RGS17: variants seen among roughly 807,000 people sequenced by gnomAD.
RGS17 encodes the protein regulator of G protein signaling 17.
In RGS17, 12 loss-of-function variants were observed where a neutral mutation model predicts 25.5. The ratio of observed to expected loss-of-function variants is 0.47; its 90% CI spans 0.30 to 0.76. The LOEUF (loss-of-function observed/expected upper bound fraction) is 0.76. RGS17 is among the 30% of genes least tolerant of loss of function. The pLI is 0.07. For synonymous variants in RGS17, 71 were observed against 76.9 expected (o/e 0.92, Z 0.40); for missense variants, 196 against 242.2 (o/e 0.81, Z 1.27).
chr6:153,037,229 T>C (rs927917856), intron 2 of RGS17, among the ~76,000 whole-genome samples: 1 of 148,974 alleles, frequency 6.7e-6, no homozygotes, highest in Non-Finnish European at 1.5e-5. Context: ...CACAGGAGCA[T>C]GAAGAAAAAT....
intron 4 of RGS17, among the ~76,000 whole-genome samples, chr6:153,021,068 C>G (rs1779243379): frequency 6.6e-6 from 1 of 152,190 alleles, no homozygotes; most frequent in South Asian, 2.1e-4. Context: ...GCTTCATAGC[C>G]TTACAGTTGC....
At chr6:153,018,200 C>T (rs1764698450) in intron 4 of RGS17, among the ~76,000 whole-genome samples, 1 of 151,858 alleles carries the variant, frequency 6.6e-6, no homozygotes, top group Non-Finnish European at 1.5e-5. Flanking sequence ...GTTGCTATTT[C>T]TCATCATGTG....
intron 1 of RGS17, 54 bp from the exon 2 acceptor site, chr6:153,044,097 G>T (rs888712313): frequency 1.2e-6 from 1 of 838,738 alleles, no homozygotes; most frequent in Non-Finnish European, 2.0e-6. Flanking sequence ...AGGATAAGTT[G>T]CGTATGCTGA....
At position 153,091,475 on chromosome 6, in the gene RGS17, AT is replaced by A. The variant is rs35909335; in HGVS notation, c.-26+39648del. ...GACACTTAACATCCATACTTTACAG[AT>A]TTTTTTTTTTTTTTGAGACGGAGTC... On this transcript the variant is annotated intron_variant, in intron 1 of 4. Transcript: ENST00000206262. Among the ~76,000 whole-genome samples the A allele has an allele frequency of 5.4e-3, 780 of 145,382 alleles. 2 individuals are homozygous for A. The highest frequency in any genetic ancestry group is 0.011 in the African/African-American group (440 of 39,908).
chr6:153,044,028 T>C lies in RGS17; in HGVS notation c.-10A>G. On this transcript the variant is annotated 5_prime_UTR_variant, in exon 2 of 5. Coordinates refer to ENST00000206262, the MANE Select transcript of RGS17 (RefSeq NM_012419.5). ...GCTGCCTTTTTCGCATTTCAGCTACTTCAGGACCCAGTTGGCTGAAAGAGA... is the reference window on the plus strand; with the variant it reads ...GCTGCCTTTTTCGCATTTCAGCTACCTCAGGACCCAGTTGGCTGAAAGAGA... 1 of 1,568,154 alleles carries C rather than the reference T, an allele frequency of 6.4e-7. No individual in the cohort carries two copies. The highest frequency in any genetic ancestry group is 1.1e-5 in the South Asian group (1 of 89,530).
At chr6:153,110,117 C>A (rs1787385044) in intron 1 of RGS17, among the ~76,000 whole-genome samples, 1 of 152,104 alleles carries the variant, frequency 6.6e-6, no homozygotes, top group African/African-American at 2.4e-5. Flanking sequence ...CTTTTCACGG[C>A]CAAGAAGCTC....
chr6:153,064,345 G>T (rs1234979600), intron 1 of RGS17, among the ~76,000 whole-genome samples: 1 of 152,046 alleles, frequency 6.6e-6, no homozygotes, highest in Non-Finnish European at 1.5e-5. Context: ...AAAGTGGGGG[G>T]ATGGGCAAGG....
At chr6:153,020,759 T>C (rs1562313261) in intron 4 of RGS17, among the ~76,000 whole-genome samples, 2 of 152,150 alleles carry the variant, frequency 1.3e-5, no homozygotes, top group Admixed American at 6.5e-5. Flanking sequence ...TCATGTTCTT[T>C]AAAAATATTC....
intron 1 of RGS17, among the ~76,000 whole-genome samples, chr6:153,099,810 T>G (rs1317470646): frequency 1.3e-5 from 2 of 152,078 alleles, no homozygotes; most frequent in African/African-American, 2.4e-5. Context: ...ACTTTCAGAG[T>G]GGGTGAAGAT....
intron 1 of RGS17, among the ~76,000 whole-genome samples, chr6:153,061,898 A>AG (rs1242707925): frequency 6.6e-6 from 1 of 152,230 alleles, no homozygotes; most frequent in Non-Finnish European, 1.5e-5. Context: ...AGCATATGAG[A>AG]GCAAACATTA....
chr6:153,129,064 T>C (rs888855115), intron 1 of RGS17, among the ~76,000 whole-genome samples: 3 of 152,252 alleles, frequency 2.0e-5, no homozygotes, highest in African/African-American at 7.2e-5. Context: ...CCCCTGGCTC[T>C]GAGATCACGT....
intron 2 of RGS17, among the ~76,000 whole-genome samples, chr6:153,036,495 C>A (rs944209081): frequency 6.6e-6 from 1 of 152,276 alleles, no homozygotes; most frequent in Admixed American, 6.5e-5. Context: ...CTGGAATACT[C>A]ACCAGGGCGA....
chr6:153,094,237 G>A (rs189928180), intron 1 of RGS17, among the ~76,000 whole-genome samples: 3 of 151,846 alleles, frequency 2.0e-5, no homozygotes, highest in Admixed American at 1.3e-4. Context: ...CACCACGCCC[G>A]GCTAATTTTT....
At chr6:153,114,574 CA>C (rs1245352760) in intron 1 of RGS17, among the ~76,000 whole-genome samples, 1 of 152,166 alleles carries the variant, frequency 6.6e-6, no homozygotes, top group Admixed American at 6.5e-5. Flanking sequence ...TTCCCTAACT[CA>C]TCCTATGAGG....
chr6:153,097,086 T>G (rs1777224305), intron 1 of RGS17, among the ~76,000 whole-genome samples: 1 of 152,138 alleles, frequency 6.6e-6, no homozygotes, highest in Admixed American at 6.6e-5. Flanking sequence ...ATGGAAAAAG[T>G]AAACTAGTCA....
At chr6:153,064,068 C>T (rs1205176039) in intron 1 of RGS17, among the ~76,000 whole-genome samples, 8 of 152,148 alleles carry the variant, frequency 5.3e-5, no homozygotes, top group African/African-American at 1.9e-4. Context: ...TTCATCAACA[C>T]TAGACCTATC....
At chr6:153,078,445 T>C (rs1776919237) in intron 1 of RGS17, among the ~76,000 whole-genome samples, 1 of 152,046 alleles carries the variant, frequency 6.6e-6, no homozygotes. Flanking sequence ...AATTTCTCAG[T>C]GCTGTTTTAT....
chr6:153,129,603 G>T (rs1432367006), intron 1 of RGS17, among the ~76,000 whole-genome samples: 2 of 152,138 alleles, frequency 1.3e-5, no homozygotes, highest in African/African-American at 4.8e-5. Context: ...ATGTATGAAC[G>T]CCGGAAATGC....
intron 1 of RGS17, among the ~76,000 whole-genome samples, chr6:153,103,206 C>T (rs912808819): frequency 6.6e-6 from 1 of 152,172 alleles, no homozygotes; most frequent in Non-Finnish European, 1.5e-5. Context: ...GACTGTAACA[C>T]AGCATTAGGA....
Sources: gnomAD v4.1 joint callset for allele counts (sites outside exome capture counted in the v4.1 genomes callset) on GRCh38, gnomAD v4.1.1 for gene constraint, MANE v1.5 for transcripts, NCBI Gene and HGNC (gene_info 2026-07-23, HGNC 2026-07-21) for gene names.